The following KCNAB1 variants were observed in gnomAD, a reference collection of about 807,000 sequenced individuals.
The protein encoded by KCNAB1 is potassium voltage-gated channel subfamily A regulatory beta subunit 1.
Under a neutral mutation model 64.6 loss-of-function variants are expected in KCNAB1, and 35 were observed. The observed-to-expected ratio is 0.54, with a 90% CI of 0.41 to 0.72. The LOEUF is 0.72. Ranked by LOEUF, KCNAB1 falls within the 30% of genes least tolerant of loss-of-function variation. KCNAB1 has a pLI of 0.00. For missense variants in KCNAB1, 401 were observed against 512.9 expected, an observed-to-expected ratio of 0.78 and a Z score of 2.11; for synonymous variants, 177 against 183.8, an observed-to-expected ratio of 0.96 and a Z score of 0.30.
At chr3:156,218,801 A>ATAAT (rs1553822949) in intron 1 of KCNAB1, among the ~76,000 whole-genome samples, 16,873 of 112,418 alleles carry the variant, frequency 0.15, 1,363 homozygotes, top group African/African-American at 0.17. Flanking sequence ...AAAAAAAAAA[A>ATAAT]AATAATAATA....
At chr3:156,145,640 C>G (rs539964862) in intron 1 of KCNAB1, among the ~76,000 whole-genome samples, 12 of 152,226 alleles carry the variant, frequency 7.9e-5, no homozygotes, top group Non-Finnish European at 1.3e-4. Context: ...CTTGTTTTTT[C>G]TATTTTCTTT....
chr3:156,265,515 G>A (rs1718647864), intron 1 of KCNAB1, among the ~76,000 whole-genome samples: 1 of 152,150 alleles, frequency 6.6e-6, no homozygotes, highest in Non-Finnish European at 1.5e-5. Context: ...CTTTCATGTG[G>A]ACGTGATTCT....
At position 156,124,291 on chromosome 3, in the gene KCNAB1, A is replaced by G. The variant is rs183703400; in HGVS notation, c.275+3405A>G. On this transcript the variant is annotated intron_variant, in intron 1 of 13. Coordinates refer to ENST00000490337, the MANE Select transcript of KCNAB1 (RefSeq NM_172160.3). ...GAGTGCAGTGGCGCAAACTCAGCTC[A>G]CTGCAACCTCCGCCTCCTGGGTTCG... Among the ~76,000 whole-genome samples, 341 of 150,276 alleles carry G rather than the reference A, an allele frequency of 2.3e-3. 3 individuals are homozygous for G. The highest frequency in any genetic ancestry group is 8.1e-3 in the African/African-American group (329 of 40,808).
chr3:156,290,906 G>A (rs1042806105), intron 1 of KCNAB1: 8 of 937,122 alleles, frequency 8.5e-6, no homozygotes, highest in Non-Finnish European at 1.0e-5. Flanking sequence ...AACTTGCAGA[G>A]AGAAAAGGAA....
At chr3:156,206,720 A>G (rs1365924014) in intron 1 of KCNAB1, among the ~76,000 whole-genome samples, 2 of 152,242 alleles carry the variant, frequency 1.3e-5, no homozygotes, top group Non-Finnish European at 2.9e-5. Context: ...GTTATTCAGT[A>G]AGCGTTTATG....
intron 7 of KCNAB1, among the ~76,000 whole-genome samples, chr3:156,473,590 C>T (rs1177299316): frequency 6.6e-6 from 1 of 152,196 alleles, no homozygotes; most frequent in African/African-American, 2.4e-5. Context: ...AAGCTTTTAA[C>T]AAGCTACCAT....
At chr3:156,440,038 C>A (rs572893309) in intron 2 of KCNAB1, among the ~76,000 whole-genome samples, 1 of 152,308 alleles carries the variant, frequency 6.6e-6, no homozygotes, top group African/African-American at 2.4e-5. Context: ...ATACATTGGA[C>A]ATTACTTCTC....
intron 7 of KCNAB1, 149 bp from the exon 8 acceptor site, chr3:156,474,585 G>C (rs1714196987): frequency 1.8e-6 from 1 of 557,914 alleles, no homozygotes; most frequent in African/African-American, 1.9e-5. Context: ...AAACGTTCTA[G>C]AGTCAATTAA....
chr3:156,234,097 T>G, intron 1 of KCNAB1, among the ~76,000 whole-genome samples: 1 of 150,754 alleles, frequency 6.6e-6, no homozygotes, highest in African/African-American at 2.4e-5. Flanking sequence ...TCACTGAGAG[T>G]GAGCGTGGAC....
In KCNAB1 at chr3:156,421,520, C is replaced by G; in HGVS notation, c.276-96C>G. ...TGGTTCTGCCTCTATCAGGACTCAT[C>G]AAGAATCTGCCAAAATGGAGATACA... On this transcript the variant is annotated intron_variant, in intron 1 of 13. Transcript: ENST00000490337. 3 of 1,290,540 alleles carry G rather than the reference C, an allele frequency of 2.3e-6. No individual in the cohort carries two copies. In the Admixed American group the frequency reaches 5.2e-5, roughly 22 times the overall value. 79.9% of individuals were successfully genotyped at this position (1,290,540 alleles called of 1,614,324 possible). A position where few individuals can be genotyped will look rare whatever the true frequency, so the allele number is the denominator to read the frequency against.
chr3:156,178,055 C>T (rs1422963684), intron 1 of KCNAB1, among the ~76,000 whole-genome samples: 1 of 152,098 alleles, frequency 6.6e-6, no homozygotes, highest in Admixed American at 6.5e-5. Flanking sequence ...ATTTTACATA[C>T]AATTTTAGGA....
At chr3:156,172,362 C>T (rs1423465111) in intron 1 of KCNAB1, among the ~76,000 whole-genome samples, 1 of 151,026 alleles carries the variant, frequency 6.6e-6, no homozygotes, top group Admixed American at 6.6e-5. Flanking sequence ...TCACTGCAAC[C>T]TCTGCCTCTC....
chr3:156,402,319 T>G (rs1713963704), intron 1 of KCNAB1, among the ~76,000 whole-genome samples: 1 of 152,202 alleles, frequency 6.6e-6, no homozygotes, highest in African/African-American at 2.4e-5. Context: ...AAGAATGTAT[T>G]TTTCTGTTCA....
intron 1 of KCNAB1, among the ~76,000 whole-genome samples, chr3:156,399,760 G>A (rs1485047756): frequency 6.6e-6 from 1 of 152,218 alleles, no homozygotes; most frequent in African/African-American, 2.4e-5. Flanking sequence ...TAAAACTTCA[G>A]AGGTGGGCAG....
Position 156,169,272 on chromosome 3 carries a change from T to C in KCNAB1, c.275+48386T>C, listed in dbSNP as rs762456360. Reference sequence around the variant, plus strand: ...TCAATATCTTTATCTACGGGGGTTATTATGCTGAAGACCTTAGGAAAATGG... The same window carrying C: ...TCAATATCTTTATCTACGGGGGTTACTATGCTGAAGACCTTAGGAAAATGG... On this transcript the variant is annotated intron_variant, in intron 1 of 13. Coordinates refer to ENST00000490337, the MANE Select transcript of KCNAB1 (RefSeq NM_172160.3). 4.8e-4 allele frequency among the ~76,000 whole-genome samples: 73 copies of C among 152,230 alleles called. 1 individual carries two copies. Among genetic ancestry groups the C allele is most frequent in the African/African-American group, 1.4e-3 (58 of 41,460 alleles).
intron 1 of KCNAB1, chr3:156,142,883 C>A: frequency 1.6e-6 from 1 of 633,216 alleles, no homozygotes; most frequent in Non-Finnish European, 2.0e-6. Context: ...TTCCCCAGGG[C>A]CAGTACATAG....
At chr3:156,180,901 A>G (rs567357116) in intron 1 of KCNAB1, among the ~76,000 whole-genome samples, 1 of 152,356 alleles carries the variant, frequency 6.6e-6, no homozygotes, top group East Asian at 1.9e-4. Flanking sequence ...ACCACAGACT[A>G]GGTGACTGAG....
intron 1 of KCNAB1, among the ~76,000 whole-genome samples, chr3:156,371,416 G>C (rs1010418193): frequency 1.3e-5 from 2 of 152,284 alleles, no homozygotes; most frequent in Admixed American, 1.3e-4. Context: ...AACATCCCCA[G>C]CCTTCCCCTG....
At chr3:156,231,922 T>G (rs1048187265) in intron 1 of KCNAB1, among the ~76,000 whole-genome samples, 1 of 152,178 alleles carries the variant, frequency 6.6e-6, no homozygotes, top group African/African-American at 2.4e-5. Context: ...CCAACAACCT[T>G]GGGCACATGT....
Sources: gnomAD v4.1 joint callset for allele counts (sites outside exome capture counted in the v4.1 genomes callset) on GRCh38, gnomAD v4.1.1 for gene constraint, MANE v1.5 for transcripts, NCBI Gene and HGNC (gene_info 2026-07-23, HGNC 2026-07-21) for gene names.